STT3B: variants seen among roughly 807,000 people sequenced by gnomAD.
STT3B encodes dolichyl-diphosphooligosaccharide--protein glycosyltransferase subunit STT3B.
Under a neutral mutation model 96.8 loss-of-function variants are expected in STT3B, and 29 were observed. That is an observed-to-expected ratio of 0.30 (90% CI 0.22 to 0.41). The LOEUF (loss-of-function observed/expected upper bound fraction) is 0.41. Ranked by LOEUF, STT3B falls within the 10% of genes least tolerant of loss-of-function variation. The probability of loss-of-function intolerance (pLI) is 1.00; values close to 1 mark genes in which losing one functional copy is unlikely to be tolerated. For missense variants in STT3B, 640 were observed against 1,022.3 expected (o/e 0.63, Z 5.10); for synonymous variants, 367 against 360.0 (o/e 1.02, Z -0.22).
At chr3:31,602,244 A>G (rs1012167751) in intron 5 of STT3B, among the ~76,000 whole-genome samples, 1 of 152,136 alleles carries the variant, frequency 6.6e-6, no homozygotes, top group African/African-American at 2.4e-5. Context: ...TCTCTACCCC[A>G]AAAACACTAT....
chr3:31,602,968 A>G (rs980597306), intron 5 of STT3B, among the ~76,000 whole-genome samples: 3 of 152,010 alleles, frequency 2.0e-5, no homozygotes, highest in Non-Finnish European at 2.9e-5. Flanking sequence ...TCAGGATTTA[A>G]GTTCAATTTC....
Position 31,636,098 on chromosome 3 carries a change from G to T in STT3B, c.*34G>T. On this transcript the variant is annotated 3_prime_UTR_variant, in exon 16 of 16. Transcript: ENST00000295770. ...TTCTGGTTCCTAACTTGAAGCAGTT[G>T]TCCTTGTGAGAACCGGTCTTTGCCT... 6.6e-7 allele frequency: 1 copy of T among 1,514,926 alleles called. No individual in the cohort carries two copies. The highest frequency in any genetic ancestry group is 2.3e-5 in the East Asian group (1 of 42,972). 93.8% of individuals were successfully genotyped at this position (1,514,926 alleles called of 1,614,324 possible).
At chr3:31,576,227 A>G (rs1477338972) in intron 1 of STT3B, among the ~76,000 whole-genome samples, 169 bp from the exon 2 acceptor site, 1 of 151,802 alleles carries the variant, frequency 6.6e-6, no homozygotes, top group Non-Finnish European at 1.5e-5. Context: ...GGGCGTTTTT[A>G]TTTATGTAGA....
intron 7 of STT3B, among the ~76,000 whole-genome samples, 180 bp downstream of exon 7, chr3:31,617,255 C>T (rs1243026314): frequency 7.0e-6 from 1 of 141,892 alleles, no homozygotes; most frequent in African/African-American, 2.6e-5. Flanking sequence ...TACTTTTAAG[C>T]GTCCTTCTCT....
At chr3:31,548,398 A>G (rs1697468527) in intron 1 of STT3B, among the ~76,000 whole-genome samples, 2 of 152,194 alleles carry the variant, frequency 1.3e-5, no homozygotes, top group African/African-American at 4.8e-5. Context: ...TGTTTTACAA[A>G]TGACTCATTT....
At chr3:31,583,106 A>G (rs1046212557) in intron 3 of STT3B, among the ~76,000 whole-genome samples, 1 of 152,048 alleles carries the variant, frequency 6.6e-6, no homozygotes, top group Non-Finnish European at 1.5e-5. Flanking sequence ...TGGTTGTTCT[A>G]TCCATTATTG....
chr3:31,563,195 C>A (rs1171218007), intron 1 of STT3B, among the ~76,000 whole-genome samples: 6 of 152,144 alleles, frequency 3.9e-5, no homozygotes, highest in Admixed American at 3.9e-4. Flanking sequence ...TATTGTGGTT[C>A]CTCTCCATAG....
At chr3:31,578,328 A>C (rs1387468470) in intron 2 of STT3B, among the ~76,000 whole-genome samples, 1 of 152,092 alleles carries the variant, frequency 6.6e-6, no homozygotes, top group Non-Finnish European at 1.5e-5. Flanking sequence ...GTGGGCTCCC[A>C]TGACATCAGC....
chr3:31,614,692 C>A (rs546272086), intron 5 of STT3B, among the ~76,000 whole-genome samples: 3 of 146,620 alleles, frequency 2.0e-5, no homozygotes, highest in South Asian at 4.5e-4. Context: ...GGTATTCACA[C>A]ATGCTGGCAG....
chr3:31,554,755 C>T (rs957352000), intron 1 of STT3B, among the ~76,000 whole-genome samples: 6 of 152,148 alleles, frequency 3.9e-5, no homozygotes, highest in African/African-American at 1.4e-4. Context: ...CAGATTCTTA[C>T]AGACCCTCAC....
intron 1 of STT3B, among the ~76,000 whole-genome samples, chr3:31,550,767 T>C (rs1292159645): frequency 6.6e-6 from 1 of 152,152 alleles, no homozygotes; most frequent in East Asian, 1.9e-4. Flanking sequence ...AGATTGAATT[T>C]AGGCTGTTTT....
At chr3:31,581,846 A>T (rs930990872) in intron 3 of STT3B, among the ~76,000 whole-genome samples, 3 of 152,040 alleles carry the variant, frequency 2.0e-5, no homozygotes, top group African/African-American at 7.2e-5. Flanking sequence ...TTTTTGGGAG[A>T]TTTCTGATTG....
Position 31,636,145 on chromosome 3 carries a change from A to G in STT3B, c.*81A>G. The G allele has an allele frequency of 9.0e-7, 1 of 1,110,032 alleles. No homozygotes were observed. The highest frequency in any genetic ancestry group is 1.3e-6 in the Non-Finnish European group (1 of 774,342). 68.8% of individuals were successfully genotyped at this position (1,110,032 alleles called of 1,614,324 possible). ...GCCTTTAGCTCATGTCGTGTTTCAC[A>G]GCAAAGAGGGTACAGAACCATCACT... On this transcript the variant is annotated 3_prime_UTR_variant, in exon 16 of 16. Coordinates refer to ENST00000295770, the MANE Select transcript of STT3B (RefSeq NM_178862.3).
Position 31,543,066 on chromosome 3 carries a change from A to T in STT3B, c.314+9754A>T, listed in dbSNP as rs6763287. On this transcript the variant is annotated intron_variant, in intron 1 of 15. Coordinates refer to ENST00000295770, the MANE Select transcript of STT3B (RefSeq NM_178862.3). ...GGGCAACAGAGTGAGACTCCATCTCACAAAAAAAAAAAAAAAAAGAGAAAG... is the reference window on the plus strand; with the variant it reads ...GGGCAACAGAGTGAGACTCCATCTCTCAAAAAAAAAAAAAAAAAGAGAAAG... Among the ~76,000 whole-genome samples, 16 of 107,684 alleles carry T rather than the reference A, an allele frequency of 1.5e-4. No individual in the cohort carries two copies. The East Asian group carries it at 5.3e-3, about 35-fold the overall frequency. The allele number at this position is 107,684 out of a possible 152,430, so 70.6% of individuals were successfully genotyped here. A position where few individuals can be genotyped will look rare whatever the true frequency, so the allele number is the denominator to read the frequency against.
At position 31,617,189 on chromosome 3, in the gene STT3B, T is replaced by TTC. The variant is rs935679982; in HGVS notation, c.1123+115_1123+116insCT. 2.1e-4 allele frequency: 162 copies of TTC among 773,992 alleles called. No homozygotes were observed. The South Asian group carries it at 5.8e-3, about 28-fold the overall frequency. The allele number at this position is 773,992 out of a possible 1,614,324, so 47.9% of individuals were successfully genotyped here. ...ATGACTACAAAGTGATTTTTTTCTT[T>TTC]TTTTTTTTTTTTGAATAGTATATCT... On this transcript the variant is annotated intron_variant, in intron 7 of 15. Transcript: ENST00000295770.
chr3:31,571,777 G>A (rs1260239581), intron 1 of STT3B, among the ~76,000 whole-genome samples: 2 of 151,820 alleles, frequency 1.3e-5, no homozygotes, highest in Admixed American at 1.3e-4. Context: ...GCTTTGGATT[G>A]AATTGCTAAT....
intron 4 of STT3B, among the ~76,000 whole-genome samples, chr3:31,598,691 A>G (rs903973580): frequency 6.6e-6 from 1 of 152,188 alleles, no homozygotes; most frequent in African/African-American, 2.4e-5. Context: ...TCTTAAGTGA[A>G]GAGAGTAGAT....
intron 5 of STT3B, among the ~76,000 whole-genome samples, chr3:31,609,216 T>G (rs1699128597): frequency 6.6e-6 from 1 of 152,220 alleles, no homozygotes; most frequent in Non-Finnish European, 1.5e-5. Flanking sequence ...TTAAATCTTT[T>G]TTTATTTTTT....
At chr3:31,606,687 C>T (rs76658246) in intron 5 of STT3B, among the ~76,000 whole-genome samples, 1 of 152,208 alleles carries the variant, frequency 6.6e-6, no homozygotes, top group African/African-American at 2.4e-5. Context: ...AGAACCTTTG[C>T]TAGGGCAGTG....
Sources: gnomAD v4.1 joint callset for allele counts (sites outside exome capture counted in the v4.1 genomes callset) on GRCh38, gnomAD v4.1.1 for gene constraint, MANE v1.5 for transcripts, NCBI Gene and HGNC (gene_info 2026-07-23, HGNC 2026-07-21) for gene names.